The following GHR variants were observed in gnomAD, a reference collection of about 807,000 sequenced individuals.
GHR encodes growth hormone receptor.
GHR carries 35 observed loss-of-function variants against 67.1 expected under a neutral mutation model. That is an observed-to-expected ratio of 0.52 (90% confidence interval 0.40 to 0.69). The LOEUF (loss-of-function observed/expected upper bound fraction) is 0.69, where lower values mean the gene tolerates loss of function less well. Ranked by LOEUF, GHR falls within the 30% of genes least tolerant of loss-of-function variation. The pLI is 0.00. For missense variants in GHR, 792 were observed against 764.6 expected (o/e 1.04, Z -0.42); for synonymous variants, 272 against 269.1 (o/e 1.01, Z -0.10).
In GHR at chr5:42,700,019, C is replaced by T. The variant is rs765375489; in HGVS notation, c.618+17C>T. On this transcript the variant is annotated intron_variant, in intron 6 of 9. Coordinates refer to ENST00000230882, the MANE Select transcript of GHR (RefSeq NM_000163.5). ...TGGAAAATGGTAAGATGTTGCTACA[C>T]CTTACACTTTGACTTTTCTTTCTAT... is the stretch of plus-strand genomic sequence containing the variant. 2.7e-6 allele frequency: 4 copies of T among 1,494,156 alleles called. No individual in the cohort carries two copies. Among genetic ancestry groups the T allele is most frequent in the East Asian group, 2.3e-5 (1 of 44,002 alleles). 92.6% of individuals were successfully genotyped at this position (1,494,156 alleles called of 1,614,324 possible).
At chr5:42,468,334 C>T (rs756211702) in intron 1 of GHR, 18 of 1,557,808 alleles carry the variant, frequency 1.2e-5, no homozygotes, top group Non-Finnish European at 1.6e-5. Context: ...CTTCTCTGCT[C>T]AGCAGGGGAA....
chr5:42,664,929 G>A (rs551853162), intron 3 of GHR, among the ~76,000 whole-genome samples: 1 of 152,264 alleles, frequency 6.6e-6, no homozygotes, highest in South Asian at 2.1e-4. Flanking sequence ...CAAAAAGTGG[G>A]CAAAGGACAT....
At position 42,488,938 on chromosome 5, in the gene GHR, G is replaced by A. The variant is rs185048843; in HGVS notation, c.-12+64983G>A. Among the ~76,000 whole-genome samples, 409 of 152,268 alleles carry A rather than the reference G, an allele frequency of 2.7e-3. 1 individual carries two copies. The highest frequency in any genetic ancestry group is 1.4e-3 in the Non-Finnish European group (93 of 68,024). On this transcript the variant is annotated intron_variant, in intron 1 of 9. Transcript: ENST00000230882. Reference sequence around the variant, plus strand: ...ACTAGCCCAAGTTCATCGAGTTACTGCATGATAGAGTTTGAGTCTAACCAA... The same window carrying A: ...ACTAGCCCAAGTTCATCGAGTTACTACATGATAGAGTTTGAGTCTAACCAA...
chr5:42,529,498 C>G (rs1434467643), intron 1 of GHR, among the ~76,000 whole-genome samples: 1 of 152,150 alleles, frequency 6.6e-6, no homozygotes, highest in Admixed American at 6.5e-5. Flanking sequence ...TATTATATGA[C>G]TGATCAGAAT....
chr5:42,617,661 TA>T (rs552130814), intron 2 of GHR, among the ~76,000 whole-genome samples: 7 of 151,966 alleles, frequency 4.6e-5, no homozygotes, highest in Non-Finnish European at 1.0e-4. Context: ...AGGGAATACT[TA>T]AAGCCATACA....
chr5:42,468,042 G>T, intron 1 of GHR: 1 of 843,110 alleles, frequency 1.2e-6, no homozygotes, highest in South Asian at 1.6e-5. Context: ...TCAGCTTTCT[G>T]GATTCTTCCT....
chr5:42,579,132 TAGATAGATGATA>T (rs1160261371), intron 2 of GHR, among the ~76,000 whole-genome samples: 2,701 of 80,642 alleles, frequency 0.033, 45 homozygotes, highest in Non-Finnish European at 0.042. Flanking sequence ...GATAGATAGA[TAGATAGATGATA>T]GATAGATATA....
intron 1 of GHR, among the ~76,000 whole-genome samples, chr5:42,434,892 G>A (rs1259575035): frequency 6.6e-6 from 1 of 152,130 alleles, no homozygotes; most frequent in South Asian, 2.1e-4. Context: ...AGTAGGCTTT[G>A]GATTCACACA....
intron 8 of GHR, chr5:42,713,835 A>G: frequency 6.4e-6 from 2 of 311,310 alleles, no homozygotes; most frequent in Non-Finnish European, 1.2e-5. Context: ...CAAGTCCTCA[A>G]CAAGTTGACC....
chr5:42,689,045 T>C (rs1237590552), intron 4 of GHR, 26 bp downstream of exon 4: 18 of 1,603,854 alleles, frequency 1.1e-5, no homozygotes, highest in Non-Finnish European at 1.5e-5. Context: ...CTTTCTGATT[T>C]TCCTCTCCAT....
intron 3 of GHR, among the ~76,000 whole-genome samples, chr5:42,668,235 G>A (rs1035759570): frequency 7.9e-5 from 12 of 152,120 alleles, no homozygotes; most frequent in Non-Finnish European, 1.5e-4. Flanking sequence ...AAGGGGGTAG[G>A]AGATATTGAG....
chr5:42,512,996 G>T (rs940414895), intron 1 of GHR, among the ~76,000 whole-genome samples: 10 of 152,006 alleles, frequency 6.6e-5, no homozygotes, highest in Non-Finnish European at 1.2e-4. Flanking sequence ...TTTTAAAGGG[G>T]TCAGAGAAAT....
intron 1 of GHR, among the ~76,000 whole-genome samples, chr5:42,536,937 G>A (rs1214759300): frequency 6.6e-6 from 1 of 151,984 alleles, no homozygotes; most frequent in African/African-American, 2.4e-5. Flanking sequence ...AGGTTTTCTA[G>A]TTTACGTGCA....
intron 1 of GHR, among the ~76,000 whole-genome samples, chr5:42,448,604 T>C (rs1485361510): frequency 6.8e-6 from 1 of 146,546 alleles, no homozygotes; most frequent in Non-Finnish European, 1.5e-5. Context: ...TTATTATTAT[T>C]ATTATTATTG....
intron 3 of GHR, among the ~76,000 whole-genome samples, chr5:42,650,263 CA>C (rs1481289003): frequency 6.6e-6 from 1 of 152,086 alleles, no homozygotes; most frequent in Non-Finnish European, 1.5e-5. Context: ...GCAGCAGTGA[CA>C]CTGAAATGCT....
In GHR at chr5:42,687,291, A is replaced by G. The variant is rs1757206524; in HGVS notation, c.137-1599A>G. Among the ~76,000 whole-genome samples the G allele has an allele frequency of 1.3e-5, 2 of 152,192 alleles. 1 individual carries two copies. Among genetic ancestry groups the G allele is most frequent in the South Asian group, 4.1e-4 (2 of 4,834 alleles). ...TGCTATCCCCATCAAACTACCATTG[A>G]CTTTCTTCACAGAATTGGAAAAAAA... On this transcript the variant is annotated intron_variant, in intron 3 of 9. Transcript: ENST00000230882.
chr5:42,713,759 C>T (rs764780594), intron 8 of GHR: 3 of 440,464 alleles, frequency 6.8e-6, no homozygotes, highest in Non-Finnish European at 1.3e-5. Context: ...CATTAAGAGG[C>T]TTAGGCTGGT....
chr5:42,424,530 G>T lies in GHR; in HGVS notation c.-12+575G>T. 2.7e-6 allele frequency: 4 copies of T among 1,495,314 alleles called. No individual in the cohort carries two copies. The highest frequency in any genetic ancestry group is 2.4e-5 in the South Asian group (2 of 83,290). 92.6% of individuals were successfully genotyped at this position (1,495,314 alleles called of 1,614,324 possible). A position where few individuals can be genotyped will look rare whatever the true frequency, so the allele number is the denominator to read the frequency against. On this transcript the variant is annotated intron_variant, in intron 1 of 9. Coordinates refer to ENST00000230882, the MANE Select transcript of GHR (RefSeq NM_000163.5). This position sits in a 1 kb window ranked among gnomAD's most constrained non-coding sequence, Gnocchi z 4.1. ...GGTCTTTTGCGCGTTTGTGCGGGCC[G>T]CAGCCGCACGTTGGCACCGATGGAA...
intron 1 of GHR, among the ~76,000 whole-genome samples, chr5:42,563,132 A>G (rs1749710727): frequency 1.3e-5 from 2 of 152,246 alleles, no homozygotes; most frequent in African/African-American, 4.8e-5. Context: ...CTTCCGAGAA[A>G]TGCAAACCTG....
Sources: allele counts gnomAD v4.1 joint callset (sites outside exome capture counted in the v4.1 genomes callset), GRCh38; gene constraint gnomAD v4.1.1; non-coding constraint Gnocchi (gnomAD v3.1); transcripts MANE v1.5; gene names NCBI Gene and HGNC (gene_info 2026-07-23, HGNC 2026-07-21).